SGCD: variants seen among roughly 807,000 people sequenced by gnomAD.
SGCD encodes the protein sarcoglycan delta.
A neutral mutation model predicts 36.6 loss-of-function variants in SGCD; 18 were observed. The ratio of observed to expected loss-of-function variants is 0.49; its 90% CI spans 0.34 to 0.73. The LOEUF is 0.73. SGCD is among the 30% of genes least tolerant of loss of function. The pLI is 0.01. For missense variants in SGCD, 387 were observed against 346.7 expected, an observed-to-expected ratio of 1.12 and a Z score of -0.92; for synonymous variants, 133 against 130.6, an observed-to-expected ratio of 1.02 and a Z score of -0.12.
chr5:155,786,546 G>C, the SGCD span, among the ~76,000 whole-genome samples: 1 of 152,100 alleles, frequency 6.6e-6, no homozygotes, highest in African/African-American at 2.4e-5. Context: ...ATGAACAAAG[G>C]AGGAACATTT....
chr5:156,675,905 A>C (rs1753487523), intron 7 of SGCD, among the ~76,000 whole-genome samples: 2 of 152,190 alleles, frequency 1.3e-5, no homozygotes, highest in African/African-American at 4.8e-5. Context: ...ATGACTGATT[A>C]AATCAAGCTC....
chr5:156,228,138 C>T (rs893401278), intron 3 of SGCD, among the ~76,000 whole-genome samples: 5 of 152,012 alleles, frequency 3.3e-5, no homozygotes, highest in African/African-American at 9.7e-5. Flanking sequence ...TGAAAATGTT[C>T]CGTATGTATC....
intron 6 of SGCD, among the ~76,000 whole-genome samples, chr5:156,642,568 A>C (rs1414132838): frequency 6.7e-6 from 1 of 149,216 alleles, no homozygotes; most frequent in Non-Finnish European, 1.5e-5. Context: ...TCCCGGGTTC[A>C]AGCAATTCTC....
chr5:155,971,250 A>T (rs986342446), intron 1 of SGCD, among the ~76,000 whole-genome samples: 3 of 152,160 alleles, frequency 2.0e-5, no homozygotes, highest in Non-Finnish European at 4.4e-5. Flanking sequence ...TTGGCTTTGC[A>T]TGAATTACAT....
intron 7 of SGCD, among the ~76,000 whole-genome samples, chr5:156,649,747 A>G (rs890170897): frequency 5.3e-5 from 8 of 151,972 alleles, no homozygotes; most frequent in East Asian, 1.9e-4. Flanking sequence ...GCATTAGGAG[A>G]TATACCTAAT....
intron 5 of SGCD, among the ~76,000 whole-genome samples, chr5:156,589,790 C>T (rs1561799249): frequency 6.6e-6 from 1 of 152,174 alleles, no homozygotes; most frequent in South Asian, 2.1e-4. Context: ...GACTTTGAAC[C>T]TAACTCAATT....
the SGCD span, among the ~76,000 whole-genome samples, chr5:155,854,022 T>A: frequency 6.6e-6 from 1 of 152,176 alleles, no homozygotes; most frequent in Non-Finnish European, 1.5e-5. Context: ...GGAAGAGTAT[T>A]TTTTTAACAT....
chr5:155,969,321 G>A (rs1319373408), intron 1 of SGCD, among the ~76,000 whole-genome samples: 1 of 152,060 alleles, frequency 6.6e-6, no homozygotes, highest in Non-Finnish European at 1.5e-5. Flanking sequence ...GTTGGGCAAA[G>A]GTATTCAGTT....
At chr5:156,030,031 G>A (rs557552990) in intron 1 of SGCD, among the ~76,000 whole-genome samples, 1 of 152,140 alleles carries the variant, frequency 6.6e-6, no homozygotes, top group African/African-American at 2.4e-5. Flanking sequence ...ATAATTTTGT[G>A]CTCAGATACT....
intron 1 of SGCD, among the ~76,000 whole-genome samples, chr5:155,899,757 T>C (rs1241791691): frequency 6.6e-6 from 1 of 152,074 alleles, no homozygotes; most frequent in Non-Finnish European, 1.5e-5. Context: ...CTTTGGAAAA[T>C]GATTTGATAG....
chr5:156,611,391 T>G (rs1761800518), intron 6 of SGCD, among the ~76,000 whole-genome samples: 1 of 152,256 alleles, frequency 6.6e-6, no homozygotes, highest in South Asian at 2.1e-4. Flanking sequence ...ATTGTTTTTT[T>G]GGCTGACAGT....
intron 1 of SGCD, among the ~76,000 whole-genome samples, chr5:155,883,721 T>C (rs1471943563): frequency 6.9e-6 from 1 of 145,876 alleles, no homozygotes; most frequent in African/African-American, 2.6e-5. Flanking sequence ...ATAAATGAAG[T>C]GTGTACATAC....
chr5:156,539,339 G>C (rs113494196), intron 4 of SGCD, among the ~76,000 whole-genome samples: 4,681 of 151,964 alleles, frequency 0.031, 252 homozygotes, highest in African/African-American at 0.11. Context: ...GGTGGTTTCT[G>C]AGATTTTGGT....
chr5:156,122,934 T>C (rs1039587039), intron 2 of SGCD, among the ~76,000 whole-genome samples: 2 of 140,298 alleles, frequency 1.4e-5, no homozygotes, highest in Non-Finnish European at 3.0e-5. Context: ...AATGTGCTGA[T>C]GAAATGGACA....
At chr5:155,995,745 C>A (rs1247640176) in intron 1 of SGCD, among the ~76,000 whole-genome samples, 3 of 151,812 alleles carry the variant, frequency 2.0e-5, no homozygotes, top group East Asian at 3.9e-4. Flanking sequence ...AGTGAGACAG[C>A]TGGAAATAAA....
chr5:156,477,426 T>C (rs1471708851), intron 3 of SGCD, among the ~76,000 whole-genome samples: 2 of 152,282 alleles, frequency 1.3e-5, no homozygotes, highest in South Asian at 2.1e-4. Flanking sequence ...TCTTAGATAA[T>C]GAGGAGTCAT....
At chr5:156,264,360 A>C (rs1765950101) in intron 3 of SGCD, among the ~76,000 whole-genome samples, 1 of 152,146 alleles carries the variant, frequency 6.6e-6, no homozygotes, top group Non-Finnish European at 1.5e-5. Flanking sequence ...GATTCCCTAC[A>C]GAGAAACTAA....
the SGCD span, among the ~76,000 whole-genome samples, chr5:155,772,993 G>A: frequency 2.0e-4 from 30 of 152,034 alleles, no homozygotes; most frequent in Non-Finnish European, 4.0e-4. Context: ...TACTACTTAC[G>A]AAGTAAGTAA....
the SGCD span, among the ~76,000 whole-genome samples, chr5:155,836,216 C>T: frequency 2.1e-4 from 32 of 152,210 alleles, no homozygotes; most frequent in East Asian, 5.2e-3. Flanking sequence ...GGGGTCTGTC[C>T]ACCATTGAAT....
Sources: gnomAD v4.1 joint callset for allele counts (sites outside exome capture counted in the v4.1 genomes callset) on GRCh38, gnomAD v4.1.1 for gene constraint, MANE v1.5 for transcripts, NCBI Gene and HGNC (gene_info 2026-07-23, HGNC 2026-07-21) for gene names.